The following MYO3A variants were observed in gnomAD, a reference collection of about 807,000 sequenced individuals.
MYO3A encodes myosin IIIA, also known as myosin-IIIa.
A neutral mutation model predicts 192.7 loss-of-function variants in MYO3A; 180 were observed. That is an observed-to-expected ratio of 0.93 (90% CI 0.83 to 1.06). The LOEUF (loss-of-function observed/expected upper bound fraction) is 1.06. MYO3A is among the 50% of genes least tolerant of loss of function. The pLI, the probability that MYO3A is intolerant of heterozygous loss-of-function variation, is 0.00. For synonymous variants in MYO3A, 628 were observed against 645.3 expected, an observed-to-expected ratio of 0.97 and a Z score of 0.41; for missense variants, 1,896 against 1,905.0, an observed-to-expected ratio of 1.00 and a Z score of 0.09.
At chr10:25,934,377 G>A (rs1316129980) in intron 1 of MYO3A, 49 bp downstream of exon 1, 2 of 152,288 alleles carry the variant, frequency 1.3e-5, no homozygotes, top group Non-Finnish European at 2.9e-5. Flanking sequence ...GCGGTGGGTA[G>A]CGGCGCCCGC....
intron 10 of MYO3A, among the ~76,000 whole-genome samples, chr10:26,052,514 A>G (rs1313083245): frequency 6.6e-6 from 1 of 152,210 alleles, no homozygotes; most frequent in East Asian, 1.9e-4. Flanking sequence ...CTGCAGATAA[A>G]TAAAATCTAA....
intron 10 of MYO3A, among the ~76,000 whole-genome samples, chr10:26,050,422 A>G (rs1271878826): frequency 1.3e-5 from 2 of 152,238 alleles, no homozygotes; most frequent in African/African-American, 4.8e-5. Flanking sequence ...TTTGTCCCAC[A>G]GAAACTTGCA....
intron 17 of MYO3A, among the ~76,000 whole-genome samples, chr10:26,110,505 CA>C (rs35568779): frequency 6.6e-6 from 1 of 151,858 alleles, no homozygotes; most frequent in African/African-American, 2.4e-5. Context: ...TCCCTCCCTC[CA>C]AAAAAAATTA....
chr10:26,192,811 G>A lies in MYO3A; in HGVS notation c.4439-394G>A, dbSNP rs535193905. ...TGGGATTACGGGTGCCCACCACCAC[G>A]CCTGACTAATTTTTTTGTATTTTTA... On this transcript the variant is annotated intron_variant, in intron 31 of 34. Coordinates refer to ENST00000642920, the MANE Select transcript of MYO3A (RefSeq NM_017433.5). Among the ~76,000 whole-genome samples the A allele has an allele frequency of 2.3e-4, 35 of 151,786 alleles. No homozygotes were observed. In the South Asian group the frequency reaches 3.3e-3, roughly 14 times the overall value.
chr10:26,077,242 T>TCCTAAGG (rs1218287295), intron 14 of MYO3A, among the ~76,000 whole-genome samples: 1 of 140,698 alleles, frequency 7.1e-6, no homozygotes, highest in African/African-American at 2.7e-5. Context: ...GGTTTTTTTT[T>TCCTAAGG]TTTTTTTTTT....
At chr10:26,147,092 C>G (rs1185921528) in intron 22 of MYO3A, among the ~76,000 whole-genome samples, 2 of 152,146 alleles carry the variant, frequency 1.3e-5, no homozygotes, top group East Asian at 1.9e-4. Flanking sequence ...AATAGGAATG[C>G]CTTTGTGGCT....
intron 4 of MYO3A, among the ~76,000 whole-genome samples, chr10:25,970,386 T>C (rs1043484834): frequency 1.3e-5 from 2 of 151,934 alleles, no homozygotes; most frequent in Non-Finnish European, 2.9e-5. Context: ...TGTGAAAATA[T>C]TTTGAATGGA....
At chr10:26,044,960 G>A (rs752342366) in intron 10 of MYO3A, among the ~76,000 whole-genome samples, 3 of 152,200 alleles carry the variant, frequency 2.0e-5, no homozygotes, top group Non-Finnish European at 4.4e-5. Context: ...TGGTGTGCAG[G>A]CTGTCCAGCA....
At chr10:25,996,457 T>A in intron 4 of MYO3A, 33 bp from the exon 5 acceptor site, 1 of 1,569,382 alleles carries the variant, frequency 6.4e-7, no homozygotes, top group Non-Finnish European at 8.8e-7. Context: ...TGTCACATGT[T>A]TTTAATAGCC....
At chr10:26,065,401 T>A (rs954219029) in intron 10 of MYO3A, among the ~76,000 whole-genome samples, 1 of 151,800 alleles carries the variant, frequency 6.6e-6, no homozygotes, top group African/African-American at 2.4e-5. Context: ...CTGGCCCACA[T>A]GGTGAAACCC....
rs1564650600 is a variant in MYO3A, at chr10:26,211,915, G to C, written c.4803G>C (p.Arg1601Ser). ...CAGCCAACCCCTACGACTTCAGGAGGCTCCTGCGCAAAACCTCCCAGCGCC... is the reference window on the plus strand; with the variant it reads ...CAGCCAACCCCTACGACTTCAGGAGCCTCCTGCGCAAAACCTCCCAGCGCC... ...EPAANPYDFR[R>S]LLRKTSQRRR... The change falls in exon 35 of 35, where the codon AGG (arginine) becomes AGC (serine). Residue 1601 changes from arginine (R) to serine (S), a missense_variant. Transcript: ENST00000642920. The C allele has an allele frequency of 4.3e-6, 7 of 1,613,990 alleles. No individual in the cohort carries two copies. The highest frequency in any genetic ancestry group is 5.1e-6 in the Non-Finnish European group (6 of 1,179,986).
At chr10:26,117,205 C>T (rs574484461) in intron 17 of MYO3A, among the ~76,000 whole-genome samples, 30 of 152,136 alleles carry the variant, frequency 2.0e-4, no homozygotes, top group South Asian at 2.1e-4. Flanking sequence ...CTGGATTCAA[C>T]CAATCCCTTA....
chr10:26,211,998 G>T lies in MYO3A; in HGVS notation c.*35G>T, dbSNP rs374110691. 1.7e-5 allele frequency: 28 copies of T among 1,603,014 alleles called. No individual in the cohort carries two copies. Among genetic ancestry groups the T allele is most frequent in the Non-Finnish European group, 2.3e-5 (27 of 1,172,482 alleles). ...GAGGCAGTCACCGCCGTCGGAAGGC[G>T]CTGGAGCCTGCGGGGCAGCAGGGGC... On this transcript the variant is annotated 3_prime_UTR_variant, in exon 35 of 35. Coordinates refer to ENST00000642920, the MANE Select transcript of MYO3A (RefSeq NM_017433.5).
intron 26 of MYO3A, among the ~76,000 whole-genome samples, chr10:26,164,874 A>G (rs1270556571): frequency 6.6e-6 from 1 of 152,174 alleles, no homozygotes; most frequent in African/African-American, 2.4e-5. Context: ...GAGTTGATGG[A>G]CAGGCTGTGA....
At chr10:26,091,569 T>C (rs1836702997) in intron 15 of MYO3A, among the ~76,000 whole-genome samples, 1 of 152,184 alleles carries the variant, frequency 6.6e-6, no homozygotes. Context: ...CAGGACTCTA[T>C]AGGAGACATA....
intron 31 of MYO3A, among the ~76,000 whole-genome samples, chr10:26,184,009 G>A (rs1003290921): frequency 6.6e-6 from 1 of 152,134 alleles, no homozygotes; most frequent in East Asian, 1.9e-4. Context: ...TTAGAGCCCC[G>A]GAATTCGAGA....
chr10:26,032,443 C>T (rs1044672569), intron 10 of MYO3A, among the ~76,000 whole-genome samples: 4 of 151,988 alleles, frequency 2.6e-5, no homozygotes, highest in Admixed American at 6.5e-5. Flanking sequence ...AGTGAAACCC[C>T]GTCTCTACTA....
At chr10:26,147,221 C>T (rs544517294) in intron 22 of MYO3A, among the ~76,000 whole-genome samples, 4 of 152,092 alleles carry the variant, frequency 2.6e-5, no homozygotes, top group African/African-American at 9.6e-5. Flanking sequence ...CAAATAAAAT[C>T]AGTGAGACAC....
At chr10:26,177,482 G>A (rs7898617) in intron 31 of MYO3A, among the ~76,000 whole-genome samples, 112,250 of 152,004 alleles carry the variant, frequency 0.74, 41,862 homozygotes, top group African/African-American at 0.83. Context: ...GAGCCCTTCA[G>A]GTTGGGAGGT....
Sources: allele counts gnomAD v4.1 joint callset (sites outside exome capture counted in the v4.1 genomes callset), GRCh38; gene constraint gnomAD v4.1.1; transcripts MANE v1.5; gene names NCBI Gene and HGNC (gene_info 2026-07-23, HGNC 2026-07-21).